Variants in CADM2 observed in about 807,000 individuals in gnomAD.
CADM2 encodes the protein immunoglobulin superfamily member 4D.
CADM2 carries 12 observed loss-of-function variants against 49.8 expected under a neutral mutation model. The ratio of observed to expected loss-of-function variants is 0.24; its 90% CI spans 0.15 to 0.39. CADM2 has a LOEUF of 0.39. Ranked by LOEUF, CADM2 falls within the 10% of genes least tolerant of loss-of-function variation. The probability of loss-of-function intolerance (pLI) is 1.00; values close to 1 mark genes in which losing one functional copy is unlikely to be tolerated. For missense variants in CADM2, 378 were observed against 492.3 expected, an observed-to-expected ratio of 0.77 and a Z score of 2.20; for synonymous variants, 214 against 175.4, an observed-to-expected ratio of 1.22 and a Z score of -1.74.
At chr3:85,032,213 T>TA (rs1553672415) in intron 1 of CADM2, among the ~76,000 whole-genome samples, 2 of 119,398 alleles carry the variant, frequency 1.7e-5, no homozygotes, top group East Asian at 3.9e-4. Context: ...TCCCAGTTAC[T>TA]GGTTTTTTTT....
At position 86,070,834 on chromosome 3, in the gene CADM2, G is replaced by C. The variant is rs1442383077; in HGVS notation, c.*4051G>C. The stretch of plus-strand genomic sequence containing the variant: ...CCCATGTAATTATAATATGCATTTT[G>C]AATATTGGGAAAGAGGAAATCTTAG... On this transcript the variant is annotated 3_prime_UTR_variant, in exon 10 of 10. Coordinates refer to ENST00000383699, the MANE Select transcript of CADM2 (RefSeq NM_001167675.2). 1 of 151,824 alleles carries C rather than the reference G, an allele frequency of 6.6e-6. No individual in the cohort carries two copies. 9.4% of individuals were successfully genotyped at this position (151,824 alleles called of 1,614,324 possible).
chr3:85,840,752 A>G (rs1251493147), intron 3 of CADM2, among the ~76,000 whole-genome samples: 1 of 151,874 alleles, frequency 6.6e-6, no homozygotes, highest in Non-Finnish European at 1.5e-5. Flanking sequence ...CAATTTTAAC[A>G]TGCAAGATAT....
intron 8 of CADM2, among the ~76,000 whole-genome samples, chr3:86,049,196 G>A (rs1357790828): frequency 6.6e-6 from 1 of 152,020 alleles, no homozygotes; most frequent in Non-Finnish European, 1.5e-5. Context: ...GTTAGAATGT[G>A]ACTGTATTAG....
At chr3:85,184,607 T>C (rs1268761228) in intron 1 of CADM2, among the ~76,000 whole-genome samples, 1 of 152,076 alleles carries the variant, frequency 6.6e-6, no homozygotes, top group Non-Finnish European at 1.5e-5. Context: ...ATTTGAGACA[T>C]GTCGATAAGG....
intron 1 of CADM2, among the ~76,000 whole-genome samples, chr3:85,252,488 A>G (rs1401005725): frequency 6.6e-6 from 1 of 152,036 alleles, no homozygotes; most frequent in Non-Finnish European, 1.5e-5. Flanking sequence ...AATTAAAATC[A>G]TTCAAAACTT....
intron 1 of CADM2, among the ~76,000 whole-genome samples, chr3:85,363,105 G>C (rs906204032): frequency 6.6e-6 from 1 of 152,014 alleles, no homozygotes; most frequent in African/African-American, 2.4e-5. Context: ...TGGAATCGCC[G>C]GGCTACACAG....
At chr3:85,954,327 A>T (rs528994591) in intron 7 of CADM2, among the ~76,000 whole-genome samples, 1 of 151,142 alleles carries the variant, frequency 6.6e-6, no homozygotes, top group East Asian at 2.0e-4. Context: ...AATAACAAAA[A>T]ACCCTTAGTG....
chr3:85,469,829 C>G (rs1015676037), intron 1 of CADM2, among the ~76,000 whole-genome samples: 4 of 152,120 alleles, frequency 2.6e-5, no homozygotes, highest in Non-Finnish European at 5.9e-5. Flanking sequence ...GTTGCAGGTG[C>G]CTACAACTCT....
intron 1 of CADM2, among the ~76,000 whole-genome samples, chr3:85,144,308 ACAT>A (rs1397669557): frequency 6.6e-6 from 1 of 151,896 alleles, no homozygotes; most frequent in Non-Finnish European, 1.5e-5. Flanking sequence ...TAAAATATAA[ACAT>A]CATAAGAACA....
chr3:85,781,246 C>T (rs942410997), intron 2 of CADM2, among the ~76,000 whole-genome samples: 6 of 152,094 alleles, frequency 3.9e-5, no homozygotes, highest in African/African-American at 1.4e-4. Flanking sequence ...CCATTCTGTC[C>T]TTCATGTAAT....
At chr3:85,734,706 A>G (rs911997131) in intron 2 of CADM2, among the ~76,000 whole-genome samples, 3 of 147,564 alleles carry the variant, frequency 2.0e-5, no homozygotes, top group Admixed American at 1.4e-4. Context: ...TATATTTTAA[A>G]TATAATGTGT....
At chr3:85,013,287 G>A (rs1404743564) in intron 1 of CADM2, among the ~76,000 whole-genome samples, 2 of 151,890 alleles carry the variant, frequency 1.3e-5, no homozygotes, top group Non-Finnish European at 2.9e-5. Context: ...ATGACCTATA[G>A]TTCTCTCCTG....
intron 1 of CADM2, among the ~76,000 whole-genome samples, chr3:85,693,178 A>G (rs1199068709): frequency 8.0e-5 from 12 of 150,458 alleles, no homozygotes. Flanking sequence ...GAACCCGGGA[A>G]GAGAAGGTTG....
intron 1 of CADM2, among the ~76,000 whole-genome samples, chr3:85,073,698 A>G (rs1181084301): frequency 5.3e-5 from 8 of 152,126 alleles, no homozygotes; most frequent in South Asian, 2.1e-4. Context: ...TTTCATTTAA[A>G]CCAATCTATC....
chr3:85,629,071 C>T (rs1019285437), intron 1 of CADM2, among the ~76,000 whole-genome samples: 2 of 151,612 alleles, frequency 1.3e-5, no homozygotes, highest in Admixed American at 6.6e-5. Context: ...CAATAGTTAA[C>T]CCGCTTTCAT....
At chr3:85,583,916 A>T (rs531603384) in intron 1 of CADM2, among the ~76,000 whole-genome samples, 1 of 152,132 alleles carries the variant, frequency 6.6e-6, no homozygotes, top group South Asian at 2.1e-4. Context: ...AACTATAGAA[A>T]ATTTCCCAAT....
intron 5 of CADM2, among the ~76,000 whole-genome samples, chr3:85,901,195 A>C (rs1457365744): frequency 6.6e-6 from 1 of 152,164 alleles, no homozygotes; most frequent in African/African-American, 2.4e-5. Flanking sequence ...ACTCCATCTC[A>C]AAAAAAGAAA....
intron 1 of CADM2, among the ~76,000 whole-genome samples, chr3:85,408,028 A>G (rs1235223169): frequency 2.0e-5 from 3 of 150,478 alleles, no homozygotes; most frequent in African/African-American, 2.4e-5. Context: ...AAAAAAAAAA[A>G]AAGAAGAAGA....
intron 8 of CADM2, among the ~76,000 whole-genome samples, chr3:86,000,208 CT>C (rs1259662302): frequency 1.3e-5 from 2 of 151,980 alleles, no homozygotes; most frequent in African/African-American, 4.8e-5. Context: ...ACTTGATGAC[CT>C]GTATTTTCTC....
Sources: gnomAD v4.1 joint callset for allele counts (sites outside exome capture counted in the v4.1 genomes callset) on GRCh38, gnomAD v4.1.1 for gene constraint, MANE v1.5 for transcripts, NCBI Gene and HGNC (gene_info 2026-07-23, HGNC 2026-07-21) for gene names.